CNGB3: variants seen among roughly 807,000 people sequenced by gnomAD.
CNGB3 encodes the protein cyclic nucleotide gated channel subunit beta 3, also known as cyclic nucleotide-gated channel beta-3.
CNGB3 carries 86 observed loss-of-function variants against 92.8 expected under a neutral mutation model. The observed-to-expected ratio is 0.93, with a 90% CI of 0.78 to 1.11. The LOEUF is 1.11. CNGB3 is among the 50% of genes least tolerant of loss of function. The pLI is 0.00. For missense variants in CNGB3, 1,026 were observed against 956.8 expected (o/e 1.07, Z -0.95); for synonymous variants, 333 against 332.7 (o/e 1.00, Z -0.01).
intron 2 of CNGB3, among the ~76,000 whole-genome samples, chr8:86,735,042 G>GTTTTTT (rs60107723): frequency 2.2e-4 from 19 of 85,872 alleles, no homozygotes; most frequent in Admixed American, 4.6e-4. Flanking sequence ...AATGCCGGTG[G>GTTTTTT]TTTTTTTTTT....
intron 2 of CNGB3, among the ~76,000 whole-genome samples, chr8:86,738,551 G>A (rs1487811919): frequency 6.6e-6 from 1 of 152,130 alleles, no homozygotes; most frequent in Non-Finnish European, 1.5e-5. Flanking sequence ...CGGAAAGAAA[G>A]GAAGTGGGCC....
At chr8:86,579,381 A>G in intron 15 of CNGB3, 129 bp from the exon 16 acceptor site, 5 of 1,088,772 alleles carry the variant, frequency 4.6e-6, no homozygotes, top group Non-Finnish European at 6.9e-6. Context: ...GTGAGGGTCC[A>G]GGTGATTGTG....
At chr8:86,731,649 C>T (rs1011496892) in intron 2 of CNGB3, among the ~76,000 whole-genome samples, 3 of 152,090 alleles carry the variant, frequency 2.0e-5, no homozygotes, top group African/African-American at 7.2e-5. Flanking sequence ...GGGTACTGAA[C>T]AGAGACCTGT....
intron 3 of CNGB3, among the ~76,000 whole-genome samples, chr8:86,710,643 G>A (rs1357236277): frequency 6.6e-6 from 1 of 152,150 alleles, no homozygotes; most frequent in Non-Finnish European, 1.5e-5. Context: ...ATGAATTAAA[G>A]AGGTTGGCTA....
intron 3 of CNGB3, among the ~76,000 whole-genome samples, chr8:86,686,894 G>C (rs1405032092): frequency 6.6e-6 from 1 of 151,974 alleles, no homozygotes; most frequent in African/African-American, 2.4e-5. Flanking sequence ...GTAGTGCCAG[G>C]AACTTATATA....
chr8:86,671,195 T>G, intron 3 of CNGB3, 97 bp from the exon 4 acceptor site: 1 of 1,378,566 alleles, frequency 7.3e-7, no homozygotes, highest in African/African-American at 1.4e-5. Context: ...TATTCAAGAT[T>G]ATTAACTTCC....
At chr8:86,637,893 G>A (rs1307407165) in intron 10 of CNGB3, among the ~76,000 whole-genome samples, 2 of 152,098 alleles carry the variant, frequency 1.3e-5, no homozygotes, top group African/African-American at 4.8e-5. Flanking sequence ...TTACTCAAAT[G>A]CGCCAGAGGC....
intron 13 of CNGB3, among the ~76,000 whole-genome samples, chr8:86,616,623 G>C (rs1459558138): frequency 6.6e-6 from 1 of 152,076 alleles, no homozygotes; most frequent in Admixed American, 6.6e-5. Flanking sequence ...CTTTGTAAAT[G>C]TCTCTTTTTT....
At chr8:86,693,311 C>T (rs1314143968) in intron 3 of CNGB3, among the ~76,000 whole-genome samples, 2 of 151,906 alleles carry the variant, frequency 1.3e-5, no homozygotes, top group African/African-American at 2.4e-5. Flanking sequence ...TGATTAGTCC[C>T]TCATATAAGT....
At chr8:86,727,969 G>A (rs1162668436) in intron 2 of CNGB3, among the ~76,000 whole-genome samples, 1 of 152,026 alleles carries the variant, frequency 6.6e-6, no homozygotes. Context: ...TCAGGAACAA[G>A]TTTCAGGAAT....
chr8:86,619,728 CTTTTTTT>C lies in CNGB3; in HGVS notation c.1578+6248_1578+6254del, dbSNP rs71275868. Among the ~76,000 whole-genome samples the C allele has an allele frequency of 1.2e-4, 9 of 73,390 alleles. No individual in the cohort carries two copies. In the Admixed American group the frequency reaches 2.0e-3, roughly 16 times the overall value. The allele number at this position is 73,390 out of a possible 152,430, so 48.1% of individuals were successfully genotyped here. On this transcript the variant is annotated intron_variant, in intron 13 of 17. Coordinates refer to ENST00000320005, the MANE Select transcript of CNGB3 (RefSeq NM_019098.5). ...GCCAAAGGATTGCCTTGGTCTTGAC[CTTTTTTT>C]TTTTTTTTTTTTTTTTGCGACAGGG...
At chr8:86,602,667 T>C (rs1009241350) in intron 15 of CNGB3, among the ~76,000 whole-genome samples, 2 of 152,172 alleles carry the variant, frequency 1.3e-5, no homozygotes. Flanking sequence ...CTTCTATTCA[T>C]CATATGAGCC....
At chr8:86,618,280 C>G (rs1585972507) in intron 13 of CNGB3, among the ~76,000 whole-genome samples, 1 of 152,218 alleles carries the variant, frequency 6.6e-6, no homozygotes, top group Non-Finnish European at 1.5e-5. Context: ...CCGACTGGCA[C>G]TGATCTGTGG....
chr8:86,688,456 C>G (rs1156534316), intron 3 of CNGB3, among the ~76,000 whole-genome samples: 2 of 152,018 alleles, frequency 1.3e-5, no homozygotes, highest in African/African-American at 4.8e-5. Context: ...GGTTGCCTTT[C>G]CTGGAAGCAC....
At chr8:86,603,936 G>C (rs1822361283) in intron 15 of CNGB3, among the ~76,000 whole-genome samples, 157 bp downstream of exon 15, 1 of 152,208 alleles carries the variant, frequency 6.6e-6, no homozygotes, top group Non-Finnish European at 1.5e-5. Context: ...TCGCTTTGGT[G>C]AAGGGATGAA....
intron 3 of CNGB3, among the ~76,000 whole-genome samples, chr8:86,693,536 C>T (rs1824363304): frequency 6.7e-6 from 1 of 149,616 alleles, no homozygotes; most frequent in South Asian, 2.1e-4. Flanking sequence ...GAGGGAAGGT[C>T]AGCAGATAAA....
intron 15 of CNGB3, among the ~76,000 whole-genome samples, chr8:86,581,001 T>C (rs1821752789): frequency 6.6e-6 from 1 of 152,040 alleles, no homozygotes; most frequent in African/African-American, 2.4e-5. Context: ...ATGAACAACT[T>C]CTGTTGTTGC....
In CNGB3 at chr8:86,575,690, C is replaced by T; in HGVS notation, c.*114G>A. 1.2e-6 allele frequency: 1 copy of T among 834,998 alleles called. No individual in the cohort carries two copies. Among genetic ancestry groups the T allele is most frequent in the East Asian group, 2.7e-5 (1 of 37,580 alleles). 51.7% of individuals were successfully genotyped at this position (834,998 alleles called of 1,614,324 possible). On this transcript the variant is annotated 3_prime_UTR_variant, in exon 18 of 18. Transcript: ENST00000320005. ...TCCTAGAAACTAAGCTAGGGATTTG[C>T]CTTTCGTTTCTCAAGGGTCCCAGCA...
chr8:86,719,479 C>A (rs993569807), intron 3 of CNGB3, among the ~76,000 whole-genome samples: 13 of 151,922 alleles, frequency 8.6e-5, no homozygotes, highest in Non-Finnish European at 1.5e-4. Context: ...GGTAAAAGAC[C>A]TCTACAAGGA....
Sources: gnomAD v4.1 joint callset for allele counts (sites outside exome capture counted in the v4.1 genomes callset) on GRCh38, gnomAD v4.1.1 for gene constraint, MANE v1.5 for transcripts, NCBI Gene and HGNC (gene_info 2026-07-23, HGNC 2026-07-21) for gene names.